Variants in ARK2C observed in about 807,000 individuals in gnomAD.
ARK2C encodes the protein arkadia (RNF111) C-terminal like ring finger ubiquitin ligase 2C.
chr18:46,380,096 C>T, the ARK2C span, among the ~76,000 whole-genome samples: 1 of 152,264 alleles, frequency 6.6e-6, no homozygotes, highest in Non-Finnish European at 1.5e-5. Context: ...AAACTGCCCA[C>T]CCAGTGGGGG....
At chr18:46,452,560 A>ATGTAATGT in the ARK2C span, among the ~76,000 whole-genome samples, 1 of 152,216 alleles carries the variant, frequency 6.6e-6, no homozygotes, top group African/African-American at 2.4e-5. Context: ...GATTACAGGC[A>ATGTAATGT]TGAGCCACCA....
the ARK2C span, among the ~76,000 whole-genome samples, chr18:46,452,690 G>A: frequency 7.9e-5 from 12 of 152,014 alleles, no homozygotes; most frequent in African/African-American, 2.9e-4. Context: ...CTTCCCAGGG[G>A]AAATTAAAAG....
chr18:46,367,260 T>C, the ARK2C span, among the ~76,000 whole-genome samples: 6 of 152,218 alleles, frequency 3.9e-5, no homozygotes, highest in African/African-American at 1.4e-4. Flanking sequence ...ATACCTGGCT[T>C]TCCAGGTATA....
the ARK2C span, chr18:46,456,854 G>A: frequency 2.4e-5 from 13 of 536,184 alleles, no homozygotes; most frequent in Middle Eastern, 5.0e-4. Context: ...CATCCGCCTG[G>A]CTGAGCAGGA....
the ARK2C span, among the ~76,000 whole-genome samples, chr18:46,400,144 C>T: frequency 6.6e-6 from 1 of 152,172 alleles, no homozygotes; most frequent in African/African-American, 2.4e-5. Flanking sequence ...CCAGCTCCAG[C>T]TCTAGGCCTT....
At chr18:46,413,194 A>G in the ARK2C span, among the ~76,000 whole-genome samples, 3 of 152,100 alleles carry the variant, frequency 2.0e-5, no homozygotes, top group Non-Finnish European at 4.4e-5. Flanking sequence ...CTCGAGTGGA[A>G]TTAGAATAAG....
the ARK2C span, among the ~76,000 whole-genome samples, chr18:46,362,111 G>A: frequency 6.6e-6 from 1 of 152,244 alleles, no homozygotes; most frequent in African/African-American, 2.4e-5. Context: ...GTGTAATGGG[G>A]TGCCCAAGCT....
At chr18:46,361,194 C>T in the ARK2C span, among the ~76,000 whole-genome samples, 2 of 152,198 alleles carry the variant, frequency 1.3e-5, no homozygotes, top group East Asian at 1.9e-4. Context: ...TCCTTAGAGC[C>T]TTTGGGTGCT....
the ARK2C span, chr18:46,433,337 C>G: frequency 6.2e-7 from 1 of 1,612,524 alleles, no homozygotes; most frequent in Non-Finnish European, 8.5e-7. Context: ...CACATGGCCC[C>G]GGCCCACCAG....
At chr18:46,462,415 G>A in the ARK2C span, 1 of 152,692 alleles carries the variant, frequency 6.5e-6, no homozygotes, top group Non-Finnish European at 1.5e-5. Flanking sequence ...CCATGGGGAA[G>A]GTGCTGATGT....
the ARK2C span, among the ~76,000 whole-genome samples, chr18:46,383,848 G>GC: frequency 6.6e-6 from 1 of 152,180 alleles, no homozygotes; most frequent in East Asian, 1.9e-4. Flanking sequence ...ACCGCGCCCG[G>GC]CCACCATGTT....
the ARK2C span, among the ~76,000 whole-genome samples, chr18:46,453,793 A>C: frequency 6.6e-6 from 1 of 152,054 alleles, no homozygotes; most frequent in Non-Finnish European, 1.5e-5. Flanking sequence ...CTAGAAAGAG[A>C]TATGAAAGCA....
At chr18:46,355,235 G>A in the ARK2C span, among the ~76,000 whole-genome samples, 7 of 152,020 alleles carry the variant, frequency 4.6e-5, no homozygotes, top group African/African-American at 1.5e-4. Flanking sequence ...TTACAAGCAT[G>A]AGCCACCGGG....
the ARK2C span, among the ~76,000 whole-genome samples, chr18:46,405,328 G>A: frequency 6.6e-6 from 1 of 152,172 alleles, no homozygotes; most frequent in Non-Finnish European, 1.5e-5. Context: ...GCTGCTGGGA[G>A]CCAGGGAAGC....
chr18:46,446,474 C>A, the ARK2C span, among the ~76,000 whole-genome samples: 1 of 151,702 alleles, frequency 6.6e-6, no homozygotes, highest in African/African-American at 2.4e-5. Flanking sequence ...AGTTCAAGAC[C>A]AGCCTGGACA....
At chr18:46,429,448 C>G in the ARK2C span, among the ~76,000 whole-genome samples, 1 of 152,114 alleles carries the variant, frequency 6.6e-6, no homozygotes, top group Admixed American at 6.5e-5. Context: ...AAATTTACAA[C>G]CAAAGATTAG....
chr18:46,408,238 G>T, the ARK2C span, among the ~76,000 whole-genome samples: 12 of 152,312 alleles, frequency 7.9e-5, no homozygotes, highest in East Asian at 2.3e-3. Flanking sequence ...TCAGGGGAAG[G>T]TCCGCAGAAG....
chr18:46,334,476 T>C, the ARK2C span: 3 of 628,502 alleles, frequency 4.8e-6, no homozygotes, highest in Non-Finnish European at 4.8e-6. This position sits in a 1 kb window ranked among gnomAD's most constrained non-coding sequence, Gnocchi z 4.4. Flanking sequence ...CCCCACCCCA[T>C]TTTAGGGGGA....
chr18:46,404,292 C>T, the ARK2C span, among the ~76,000 whole-genome samples: 3 of 152,136 alleles, frequency 2.0e-5, no homozygotes, highest in Non-Finnish European at 4.4e-5. Flanking sequence ...CTGGATGGCT[C>T]GCTTCCTCTC....
Sources: gnomAD v4.1 joint callset for allele counts (sites outside exome capture counted in the v4.1 genomes callset) on GRCh38, gnomAD v4.1.1 for gene constraint, Gnocchi (gnomAD v3.1) non-coding constraint, MANE v1.5 for transcripts, NCBI Gene and HGNC (gene_info 2026-07-23, HGNC 2026-07-21) for gene names.